The following ARHGEF10L variants were observed in gnomAD, a reference collection of about 807,000 sequenced individuals.
ARHGEF10L encodes the protein Rho guanine nucleotide exchange factor 10 like.
ARHGEF10L carries 69 observed loss-of-function variants against 141.2 expected under a neutral mutation model. The ratio of observed to expected loss-of-function variants is 0.49; its 90% confidence interval spans 0.40 to 0.60. ARHGEF10L has a LOEUF of 0.60. Among genes scored for constraint, ARHGEF10L ranks in the 20% least tolerant of loss-of-function variants. The pLI, the probability that ARHGEF10L is intolerant of heterozygous loss-of-function variation, is 0.00. For missense variants in ARHGEF10L, 1,482 were observed against 1,734.3 expected (o/e 0.85, Z 2.58); for synonymous variants, 711 against 718.5 (o/e 0.99, Z 0.17).
intron 1 of ARHGEF10L, among the ~76,000 whole-genome samples, chr1:17,564,225 TC>T (rs1173639686): frequency 6.6e-6 from 1 of 152,026 alleles, no homozygotes; most frequent in African/African-American, 2.4e-5. Flanking sequence ...CCTGGGTGAA[TC>T]CCAGGTGTTC....
chr1:17,526,571 C>T, the ARHGEF10L span, among the ~76,000 whole-genome samples: 4 of 152,168 alleles, frequency 2.6e-5, no homozygotes, highest in Non-Finnish European at 5.9e-5. Context: ...AAGGCCATAT[C>T]TTGGCACCAG....
intron 1 of ARHGEF10L, among the ~76,000 whole-genome samples, chr1:17,570,148 C>T (rs1218680691): frequency 6.6e-6 from 1 of 152,250 alleles, no homozygotes; most frequent in Non-Finnish European, 1.5e-5. Flanking sequence ...CCTTGGGTCG[C>T]CTGTGTGTCA....
intron 26 of ARHGEF10L, among the ~76,000 whole-genome samples, chr1:17,666,835 C>T (rs1218426866): frequency 6.7e-6 from 1 of 149,134 alleles, no homozygotes; most frequent in African/African-American, 2.5e-5. Flanking sequence ...CTGGTTCACG[C>T]TGGGGGCTTC....
chr1:17,632,367 C>T lies in ARHGEF10L; in HGVS notation c.1631C>T (p.Thr544Met), dbSNP rs766668637. 3.0e-5 allele frequency: 48 copies of T among 1,614,056 alleles called. No homozygotes were observed. Among genetic ancestry groups the T allele is most frequent in the East Asian group, 6.7e-5 (3 of 44,876 alleles). Residue 544 changes from threonine to methionine, a missense_variant, in exon 16 of 29, where the codon ACG (threonine) becomes ATG (methionine). Thr to Met is a moderately conservative substitution (Grantham distance 81). This residue lies in a region of ARHGEF10L where 392 missense variants were observed against 542.1 expected (regional missense o/e 0.72). Transcript: ENST00000361221. ...CAGCTGCTCCTGTGTGAGACGTTGACGGAGACCGTGTACGGTGACCGCGGG... is the reference window on the plus strand; with the variant it reads ...CAGCTGCTCCTGTGTGAGACGTTGATGGAGACCGTGTACGGTGACCGCGGG... ...QRQLLLCETL[T>M]ETVYGDRGQL... is the part of the protein sequence containing the mutation.
intron 4 of ARHGEF10L, among the ~76,000 whole-genome samples, chr1:17,588,849 AGTGTGTGTGTGT>A (rs57719075): frequency 2.0e-4 from 4 of 20,434 alleles, no homozygotes; most frequent in Admixed American, 8.2e-4. Flanking sequence ...GAGGGTCCCC[AGTGTGTGTGTGT>A]GTGTGTGTGT....
At chr1:17,545,030 G>A (rs1239292028) in intron 1 of ARHGEF10L, among the ~76,000 whole-genome samples, 1 of 152,124 alleles carries the variant, frequency 6.6e-6, no homozygotes, top group Non-Finnish European at 1.5e-5. Flanking sequence ...GACATGCAGG[G>A]ATTATGGGAG....
intron 18 of ARHGEF10L, among the ~76,000 whole-genome samples, chr1:17,636,631 T>C (rs756646972): frequency 3.9e-5 from 6 of 152,088 alleles, no homozygotes; most frequent in Admixed American, 1.3e-4. Context: ...GCAGAGCCCC[T>C]CTGATGTGAG....
chr1:17,643,746 G>T (rs893577622), intron 21 of ARHGEF10L, among the ~76,000 whole-genome samples: 2 of 152,226 alleles, frequency 1.3e-5, no homozygotes, highest in Non-Finnish European at 2.9e-5. Context: ...GTGCATGGAA[G>T]ATGCCTAGAC....
intron 1 of ARHGEF10L, among the ~76,000 whole-genome samples, chr1:17,542,909 A>G (rs1180569452): frequency 1.3e-5 from 2 of 152,144 alleles, no homozygotes; most frequent in Non-Finnish European, 2.9e-5. Context: ...TGCCTTTTGT[A>G]TTCCTGTCAC....
rs565092561 is a variant in ARHGEF10L at position 17,634,823 on chromosome 1, C to G, written c.1746-12C>G. 7 of 1,608,650 alleles carry G rather than the reference C, an allele frequency of 4.4e-6. No individual in the cohort carries two copies. The East Asian group carries it at 1.1e-4, about 26-fold the overall frequency. On this transcript the variant is annotated splice_polypyrimidine_tract_variant and intron_variant, in intron 17 of 28. Transcript: ENST00000361221. ...CAGCCTCTCCAGGGCCTTGTCCTCT[C>G]TGTTCCAACAGGGGCCAGCTGGAGA...
At chr1:17,584,749 G>A (rs72648428) in intron 2 of ARHGEF10L, among the ~76,000 whole-genome samples, 6,339 of 152,288 alleles carry the variant, frequency 0.042, 177 homozygotes, top group Non-Finnish European at 0.058. Flanking sequence ...AGGTCCTGAG[G>A]CAGGAGCATG....
intron 6 of ARHGEF10L, among the ~76,000 whole-genome samples, chr1:17,606,615 TA>T (rs1165967318): frequency 8.1e-4 from 117 of 144,238 alleles, no homozygotes; most frequent in African/African-American, 2.6e-3. Flanking sequence ...TTTTTTTTTT[TA>T]AAAAAACACA....
intron 9 of ARHGEF10L, among the ~76,000 whole-genome samples, chr1:17,616,475 G>A (rs2059813623): frequency 6.6e-6 from 1 of 152,190 alleles, no homozygotes; most frequent in Non-Finnish European, 1.5e-5. Context: ...GGCCGTCTTG[G>A]CCTCCTGCCC....
intron 1 of ARHGEF10L, among the ~76,000 whole-genome samples, chr1:17,572,712 C>G (rs1385089583): frequency 6.6e-6 from 1 of 152,182 alleles, no homozygotes. Flanking sequence ...TCTTTTGTTT[C>G]TTTGTCCCCA....
At chr1:17,518,972 C>T in the ARHGEF10L span, among the ~76,000 whole-genome samples, 1 of 151,188 alleles carries the variant, frequency 6.6e-6, no homozygotes, top group Non-Finnish European at 1.5e-5. Context: ...GAGTTCGAGA[C>T]CAGCCCCAGC....
intron 7 of ARHGEF10L, among the ~76,000 whole-genome samples, chr1:17,611,500 A>C (rs1384060649): frequency 6.6e-6 from 1 of 152,124 alleles, no homozygotes; most frequent in Non-Finnish European, 1.5e-5. Context: ...AATGATGTAG[A>C]ATGCAATATC....
chr1:17,691,241 A>C, intron 27 of ARHGEF10L: 2 of 394,580 alleles, frequency 5.1e-6, no homozygotes, highest in East Asian at 8.6e-5. Context: ...ATATTTATTC[A>C]CCATTAGAAT....
chr1:17,546,811 G>T (rs919223536), intron 1 of ARHGEF10L, among the ~76,000 whole-genome samples: 2 of 152,198 alleles, frequency 1.3e-5, no homozygotes, highest in Admixed American at 1.3e-4. Flanking sequence ...GGCTCCCTAG[G>T]CCTGGTGTCA....
chr1:17,578,758 A>G (rs1353434779), intron 1 of ARHGEF10L, among the ~76,000 whole-genome samples: 1 of 152,176 alleles, frequency 6.6e-6, no homozygotes, highest in African/African-American at 2.4e-5. Context: ...AACCAAACCT[A>G]CTATGCAGCT....
Sources: gnomAD v4.1 joint callset for allele counts (sites outside exome capture counted in the v4.1 genomes callset) on GRCh38, gnomAD v4.1.1 for gene constraint, gnomAD v4.1.1 regional missense constraint, MANE v1.5 for transcripts, NCBI Gene and HGNC (gene_info 2026-07-23, HGNC 2026-07-21) for gene names.